ZZZ3: variants seen among roughly 807,000 people sequenced by gnomAD.
ZZZ3 encodes the protein zinc finger ZZ-type containing 3.
Under a neutral mutation model 95.2 loss-of-function variants are expected in ZZZ3, and 22 were observed. The ratio of observed to expected loss-of-function variants is 0.23; its 90% CI spans 0.17 to 0.33. ZZZ3 has a LOEUF of 0.33. Among genes scored for constraint, ZZZ3 ranks in the 10% least tolerant of loss-of-function variants. The probability of loss-of-function intolerance (pLI) is 1.00; values close to 1 mark genes in which losing one functional copy is unlikely to be tolerated. For synonymous variants in ZZZ3, 335 were observed against 358.9 expected, an observed-to-expected ratio of 0.93 and a Z score of 0.75; for missense variants, 885 against 1,066.5, an observed-to-expected ratio of 0.83 and a Z score of 2.37.
At chr1:77,587,556 G>A (rs1663225788) in intron 5 of ZZZ3, among the ~76,000 whole-genome samples, 1 of 152,126 alleles carries the variant, frequency 6.6e-6, no homozygotes, top group African/African-American at 2.4e-5. Flanking sequence ...GAGCCACCGC[G>A]CCCAGCCCTT....
At position 77,640,094 on chromosome 1, in the gene ZZZ3, C is replaced by T. The variant is rs528944133; in HGVS notation, c.-205-492G>A. 6.3e-4 allele frequency among the ~76,000 whole-genome samples: 96 copies of T among 152,094 alleles called. 1 individual carries two copies. Among genetic ancestry groups the T allele is most frequent in the South Asian group, 3.9e-3 (19 of 4,818 alleles). ...AAATCTTCTATACCTATAGGAAAAC[C>T]TTGATGCTTATTCAAGTGCTACAAA... On this transcript the variant is annotated intron_variant, in intron 3 of 14. Coordinates refer to ENST00000370801, the MANE Select transcript of ZZZ3 (RefSeq NM_015534.6).
intron 1 of ZZZ3, among the ~76,000 whole-genome samples, chr1:77,657,317 G>C (rs1238681570): frequency 1.3e-5 from 2 of 152,086 alleles, no homozygotes; most frequent in Non-Finnish European, 2.9e-5. Flanking sequence ...CATAAACACG[G>C]AACTCACAGT....
chr1:77,568,295 TA>T (rs370465560), intron 13 of ZZZ3, 36 bp downstream of exon 13: 17 of 1,349,494 alleles, frequency 1.3e-5, no homozygotes, highest in Admixed American at 2.7e-5. Flanking sequence ...AATAAATAAA[TA>T]AAATGAAATG....
intron 5 of ZZZ3, among the ~76,000 whole-genome samples, chr1:77,609,385 T>G (rs1665557132): frequency 1.3e-5 from 2 of 152,102 alleles, no homozygotes; most frequent in Non-Finnish European, 2.9e-5. Context: ...CTCAGATATA[T>G]AAAGCAAATA....
At chr1:77,647,249 C>T (rs1364031395) in intron 1 of ZZZ3, among the ~76,000 whole-genome samples, 1 of 152,066 alleles carries the variant, frequency 6.6e-6, no homozygotes. Context: ...CTGGCTGCAG[C>T]AGCTCACATC....
chr1:77,659,608 G>T (rs759802167), intron 1 of ZZZ3, among the ~76,000 whole-genome samples: 1 of 151,484 alleles, frequency 6.6e-6, no homozygotes, highest in East Asian at 1.9e-4. Context: ...ACTTGAATCC[G>T]GGAGGTGGAG....
chr1:77,649,299 T>C (rs6661656), intron 1 of ZZZ3, among the ~76,000 whole-genome samples: 63,791 of 151,206 alleles, frequency 0.42, 15,684 homozygotes, highest in African/African-American at 0.68. Context: ...GAATGACAGC[T>C]GACTTCTCGG....
At chr1:77,612,784 A>AG (rs1462917887) in intron 5 of ZZZ3, among the ~76,000 whole-genome samples, 2 of 152,052 alleles carry the variant, frequency 1.3e-5, no homozygotes, top group East Asian at 1.9e-4. Context: ...TACCACTGGC[A>AG]GGGGGGTGGG....
chr1:77,656,662 T>C (rs977258451), intron 1 of ZZZ3, among the ~76,000 whole-genome samples: 1 of 152,232 alleles, frequency 6.6e-6, no homozygotes, highest in Non-Finnish European at 1.5e-5. Context: ...GAATTTGTAC[T>C]GTCTTCAGAG....
Position 77,647,862 on chromosome 1 carries a change from A to G in ZZZ3, c.-402-6207T>C, listed in dbSNP as rs549774953. 2.0e-5 allele frequency among the ~76,000 whole-genome samples: 3 copies of G among 152,308 alleles called. No individual in the cohort carries two copies. The South Asian group carries it at 6.2e-4, about 32-fold the overall frequency. The stretch of plus-strand genomic sequence containing the variant: ...AGTACAATGCTCAGTACCACACTGC[A>G]TCAGTAGTGGTGCAAACTGAGCTCT... On this transcript the variant is annotated intron_variant, in intron 1 of 14. Coordinates refer to ENST00000370801, the MANE Select transcript of ZZZ3 (RefSeq NM_015534.6).
chr1:77,578,154 T>A (rs1189990471), intron 11 of ZZZ3, among the ~76,000 whole-genome samples: 2 of 152,168 alleles, frequency 1.3e-5, no homozygotes, highest in Non-Finnish European at 1.5e-5. Flanking sequence ...GCCCTCAATA[T>A]AACAGCTAGC....
intron 12 of ZZZ3, among the ~76,000 whole-genome samples, chr1:77,573,045 C>T (rs752097566): frequency 6.6e-6 from 1 of 151,958 alleles, no homozygotes; most frequent in Admixed American, 6.5e-5. Flanking sequence ...TCAGGTCTTC[C>T]ACTGAAACTC....
At chr1:77,571,293 T>A (rs913820566) in intron 12 of ZZZ3, among the ~76,000 whole-genome samples, 17 of 151,644 alleles carry the variant, frequency 1.1e-4, no homozygotes, top group Admixed American at 7.9e-4. Context: ...AAAAAATAAA[T>A]AAATAAATAA....
At chr1:77,605,628 C>A (rs888809031) in intron 5 of ZZZ3, among the ~76,000 whole-genome samples, 7 of 152,134 alleles carry the variant, frequency 4.6e-5, no homozygotes, top group Admixed American at 6.5e-5. Context: ...CTTTGTCTTG[C>A]ATCTTGGTTA....
At position 77,659,168 on chromosome 1, in the gene ZZZ3, A is replaced by G. The variant is rs1186033531; in HGVS notation, c.-402-17513T>C. Among the ~76,000 whole-genome samples the G allele has an allele frequency of 3.9e-5, 6 of 152,172 alleles. No homozygotes were observed. The East Asian group carries it at 1.2e-3, about 29-fold the overall frequency. On this transcript the variant is annotated intron_variant, in intron 1 of 14. Coordinates refer to ENST00000370801, the MANE Select transcript of ZZZ3 (RefSeq NM_015534.6). ...GGGAGGCGGAGGTTGCGGTGAGCCG[A>G]GATCATGCATATATATATAAAATAT...
Position 77,681,186 on chromosome 1 carries a change from A to G in ZZZ3, c.-403+1399T>C, listed in dbSNP as rs374605056. Among the ~76,000 whole-genome samples, 25 of 152,350 alleles carry G rather than the reference A, an allele frequency of 1.6e-4. No individual in the cohort carries two copies. In the East Asian group the frequency reaches 3.3e-3, roughly 20 times the overall value. On this transcript the variant is annotated intron_variant, in intron 1 of 14. Transcript: ENST00000370801. ...AAACCAAAATATGGAAATATCTGGA[A>G]TGATACACAGCAACCACAAAGGCTG...
intron 1 of ZZZ3, among the ~76,000 whole-genome samples, chr1:77,648,414 C>T (rs1669494407): frequency 6.9e-6 from 1 of 144,442 alleles, no homozygotes; most frequent in Non-Finnish European, 1.5e-5. Flanking sequence ...TGAGAAAAAG[C>T]AATCGACAGA....
chr1:77,614,868 T>C (rs559187432), intron 5 of ZZZ3: 4 of 152,334 alleles, frequency 2.6e-5, no homozygotes, highest in African/African-American at 7.2e-5. Context: ...AGAACATTCA[T>C]GTTTATGGCC....
chr1:77,679,093 AACAAAAT>A (rs1426095326), intron 1 of ZZZ3, among the ~76,000 whole-genome samples: 2 of 152,246 alleles, frequency 1.3e-5, no homozygotes, highest in Admixed American at 6.5e-5. Context: ...GAAAGGGTCA[AACAAAAT>A]AATCAAGACT....
Sources: gnomAD v4.1 joint callset for allele counts (sites outside exome capture counted in the v4.1 genomes callset) on GRCh38, gnomAD v4.1.1 for gene constraint, MANE v1.5 for transcripts, NCBI Gene and HGNC (gene_info 2026-07-23, HGNC 2026-07-21) for gene names.